LARP1B: variants seen among roughly 807,000 people sequenced by gnomAD.
The protein encoded by LARP1B is la-related protein 1B.
Under a neutral mutation model 114.2 loss-of-function variants are expected in LARP1B, and 76 were observed. That is an observed-to-expected ratio of 0.67 (90% confidence interval 0.55 to 0.81). The LOEUF is 0.81. Ranked by LOEUF, LARP1B falls within the 30% of genes least tolerant of loss-of-function variation. LARP1B has a pLI of 0.00. For missense variants in LARP1B, 1,014 were observed against 1,075.8 expected, an observed-to-expected ratio of 0.94 and a Z score of 0.80; for synonymous variants, 345 against 348.0, an observed-to-expected ratio of 0.99 and a Z score of 0.10.
chr4:128,091,736 A>G (rs1775994924), intron 7 of LARP1B, among the ~76,000 whole-genome samples: 1 of 151,884 alleles, frequency 6.6e-6, no homozygotes, highest in Non-Finnish European at 1.5e-5. Context: ...AGTTGGGATT[A>G]CAGGCACATG....
Position 128,206,517 on chromosome 4 carries a change from C to A in LARP1B, c.2399C>A (p.Thr800Asn). 2 of 1,610,094 alleles carry A rather than the reference C, an allele frequency of 1.2e-6. No homozygotes were observed. The highest frequency in any genetic ancestry group is 1.7e-5 in the Admixed American group (1 of 59,302). Residue 800 changes from threonine (T) to asparagine (N), a missense_variant, in exon 18 of 20, where the codon ACC becomes AAC. By Grantham distance (65) the Thr-to-Asn change is moderately conservative. Transcript: ENST00000326639. Reference protein sequence around the residue: ...REIFQDFQEETKKDYESGQLY... With the variant: ...REIFQDFQEENKKDYESGQLY... The stretch of plus-strand genomic sequence containing the variant: ...ATTTTTCAGGATTTCCAAGAAGAAA[C>A]CAAAAAAGACTACGAATCTGGTAAC...
intron 11 of LARP1B, 118 bp downstream of exon 11, chr4:128,122,306 A>G: frequency 1.3e-6 from 2 of 1,503,896 alleles, no homozygotes; most frequent in Non-Finnish European, 1.8e-6. Flanking sequence ...AATACATTGT[A>G]TTTAACTTGA....
At chr4:128,066,477 CTTT>C (rs376383374) in intron 1 of LARP1B, among the ~76,000 whole-genome samples, 15 of 120,396 alleles carry the variant, frequency 1.2e-4, no homozygotes, top group Admixed American at 1.8e-4. Flanking sequence ...TGCGCCCGGC[CTTT>C]TTTTTTTTTT....
chr4:128,069,659 T>C lies in LARP1B; in HGVS notation c.-77-4801T>C, dbSNP rs1253784642. The C allele has an allele frequency of 7.7e-5, 42 of 548,806 alleles. 1 individual carries two copies. The highest frequency in any genetic ancestry group is 6.9e-4 in the South Asian group (33 of 48,004). 34.0% of individuals were successfully genotyped at this position (548,806 alleles called of 1,614,324 possible). A position where few individuals can be genotyped will look rare whatever the true frequency, so the allele number is the denominator to read the frequency against. On this transcript the variant is annotated intron_variant, in intron 1 of 19. Transcript: ENST00000326639. ...TGCTAGACAGAAGGGGCACGGATTC[T>C]TTTATTAAAATCACAATATGGGTTT...
chr4:128,110,719 T>C (rs1275906192), intron 9 of LARP1B, among the ~76,000 whole-genome samples: 2 of 138,612 alleles, frequency 1.4e-5, no homozygotes, highest in African/African-American at 2.7e-5. Context: ...ACAGAGCATA[T>C]ATGTAAATTA....
At chr4:128,062,286 C>T (rs1760448960) in intron 1 of LARP1B, 1 of 985,268 alleles carries the variant, frequency 1.0e-6, no homozygotes, top group Non-Finnish European at 1.2e-6. Flanking sequence ...GACTTGCCGG[C>T]GCGTGGCGGC....
At chr4:128,063,785 A>G (rs545773489) in intron 1 of LARP1B, among the ~76,000 whole-genome samples, 2 of 152,312 alleles carry the variant, frequency 1.3e-5, no homozygotes, top group South Asian at 4.1e-4. Context: ...GTCTCAAAAA[A>G]AAACACAAAA....
At chr4:128,220,122 T>C (rs1319459376) in intron 6 of LARP1B, among the ~76,000 whole-genome samples, 1 of 152,136 alleles carries the variant, frequency 6.6e-6, no homozygotes, top group Non-Finnish European at 1.5e-5. Flanking sequence ...CGACCTCAGG[T>C]GATCCACCCA....
chr4:128,145,907 C>A (rs996796328), intron 11 of LARP1B, among the ~76,000 whole-genome samples: 1 of 152,132 alleles, frequency 6.6e-6, no homozygotes, highest in Non-Finnish European at 1.5e-5. Flanking sequence ...AGACCATACC[C>A]ATTACATCAT....
intron 5 of LARP1B, among the ~76,000 whole-genome samples, chr4:128,090,459 T>C (rs1775500219): frequency 2.6e-5 from 4 of 152,214 alleles, no homozygotes; most frequent in Admixed American, 6.5e-5. Context: ...ATTTTAGATA[T>C]TTTTCCCATT....
chr4:128,186,828 C>CA (rs1750533928), intron 15 of LARP1B, among the ~76,000 whole-genome samples: 2 of 152,206 alleles, frequency 1.3e-5, no homozygotes, highest in Non-Finnish European at 2.9e-5. Flanking sequence ...GGGCCCTGTG[C>CA]AACCTTGGGA....
rs1756293995 is a variant in LARP1B, at chr4:128,202,488, TA to T, written c.2309+1824del. Among the ~76,000 whole-genome samples the T allele has an allele frequency of 1.3e-5, 2 of 152,212 alleles. 1 individual carries two copies. The highest frequency in any genetic ancestry group is 1.3e-4 in the Admixed American group (2 of 15,282). On this transcript the variant is annotated intron_variant, in intron 17 of 19. Coordinates refer to ENST00000326639, the MANE Select transcript of LARP1B (RefSeq NM_018078.4). ...ATGTACACACATATAGAGACATGCA[TA>T]TTGATTTAGTTATAAGGTAAAATAT... is the stretch of plus-strand genomic sequence containing the variant.
At chr4:128,075,466 A>G (rs1177914466) in intron 3 of LARP1B, among the ~76,000 whole-genome samples, 1 of 152,192 alleles carries the variant, frequency 6.6e-6, no homozygotes, top group African/African-American at 2.4e-5. Context: ...CGATGCTGCC[A>G]GTAACATTGG....
At chr4:128,109,491 G>A (rs953980503) in intron 9 of LARP1B, among the ~76,000 whole-genome samples, 4 of 152,004 alleles carry the variant, frequency 2.6e-5, no homozygotes, top group Non-Finnish European at 5.9e-5. Flanking sequence ...CTACCTTTAT[G>A]CACCAGAAAA....
intron 8 of LARP1B, among the ~76,000 whole-genome samples, chr4:128,106,429 G>A (rs1782111133): frequency 6.6e-6 from 1 of 151,982 alleles, no homozygotes. Flanking sequence ...TATACATTTT[G>A]TATTTATCCT....
intron 8 of LARP1B, 59 bp from the exon 9 acceptor site, chr4:128,107,080 A>ATATACTTCT: frequency 1.4e-6 from 2 of 1,401,074 alleles, no homozygotes; most frequent in Non-Finnish European, 2.0e-6. Context: ...AGGTTCTTAG[A>ATATACTTCT]AGTATAGCAC....
At chr4:128,097,927 A>G (rs145581051) in intron 7 of LARP1B, among the ~76,000 whole-genome samples, 1 of 152,316 alleles carries the variant, frequency 6.6e-6, no homozygotes, top group East Asian at 1.9e-4. Flanking sequence ...AATTCTTTAT[A>G]TTTAGTGAAA....
At chr4:128,171,549 A>C (rs1210075314) in intron 12 of LARP1B, among the ~76,000 whole-genome samples, 4 of 152,168 alleles carry the variant, frequency 2.6e-5, no homozygotes, top group African/African-American at 7.2e-5. Context: ...AAATAACTTA[A>C]AAGGAGAATA....
At chr4:128,126,007 A>C (rs913483818) in intron 11 of LARP1B, among the ~76,000 whole-genome samples, 19 of 152,210 alleles carry the variant, frequency 1.2e-4, no homozygotes, top group Non-Finnish European at 2.5e-4. Context: ...ATTATATTGC[A>C]AGGAAAGTTA....
Sources: allele counts gnomAD v4.1 joint callset (sites outside exome capture counted in the v4.1 genomes callset), GRCh38; gene constraint gnomAD v4.1.1; transcripts MANE v1.5; gene names NCBI Gene and HGNC (gene_info 2026-07-23, HGNC 2026-07-21).